RBFOX1: variants seen among roughly 807,000 people sequenced by gnomAD.
The protein encoded by RBFOX1 is RNA binding protein fox-1 homolog 1.
Under a neutral mutation model 57.7 loss-of-function variants are expected in RBFOX1, and 8 were observed. That is an observed-to-expected ratio of 0.14 (90% CI 0.08 to 0.25). The LOEUF is 0.25. Among genes scored for constraint, RBFOX1 ranks in the 10% least tolerant of loss-of-function variants. The pLI, the probability that RBFOX1 is intolerant of heterozygous loss-of-function variation, is 1.00. For synonymous variants in RBFOX1, 326 were observed against 222.4 expected, an observed-to-expected ratio of 1.47 and a Z score of -4.15; for missense variants, 611 against 548.5, an observed-to-expected ratio of 1.11 and a Z score of -1.14.
intron 14 of RBFOX1, among the ~76,000 whole-genome samples, chr16:7,679,118 A>C (rs2074110199): frequency 6.6e-6 from 1 of 152,220 alleles, no homozygotes; most frequent in African/African-American, 2.4e-5. Context: ...ATGGACAGAA[A>C]GCAATCTTTA....
chr16:7,359,255 C>CTAT (rs550623153), intron 4 of RBFOX1, among the ~76,000 whole-genome samples: 3 of 152,144 alleles, frequency 2.0e-5, no homozygotes, highest in African/African-American at 7.2e-5. Flanking sequence ...AGGAAATGAA[C>CTAT]TATCATAGGA....
At chr16:6,895,448 GTATATATATATATATATATA>G (rs71147622) in intron 3 of RBFOX1, among the ~76,000 whole-genome samples, 1 of 54,612 alleles carries the variant, frequency 1.8e-5, no homozygotes, top group Non-Finnish European at 3.3e-5. Flanking sequence ...GTGTGTGTGT[GTATATATATATATATATATA>G]TATATATATA....
chr16:6,852,619 G>A (rs1438154568), intron 3 of RBFOX1, among the ~76,000 whole-genome samples: 1 of 152,126 alleles, frequency 6.6e-6, no homozygotes, highest in Non-Finnish European at 1.5e-5. Flanking sequence ...TGCATGCTGG[G>A]AACTAGCTGT....
chr16:5,734,643 A>T (rs1341084568), intron 3 of RBFOX1, among the ~76,000 whole-genome samples: 2 of 152,064 alleles, frequency 1.3e-5, no homozygotes, highest in Admixed American at 6.6e-5. Flanking sequence ...GACTGAGTGC[A>T]CCTGCCTGTC....
chr16:6,851,654 C>G (rs1037944146), intron 3 of RBFOX1, among the ~76,000 whole-genome samples: 2 of 152,086 alleles, frequency 1.3e-5, no homozygotes, highest in South Asian at 2.1e-4. Flanking sequence ...AGGGAAAGAA[C>G]AAGGCTCTAG....
At chr16:7,040,726 A>G (rs1012686044) in intron 3 of RBFOX1, among the ~76,000 whole-genome samples, 1 of 152,212 alleles carries the variant, frequency 6.6e-6, no homozygotes, top group African/African-American at 2.4e-5. Flanking sequence ...ATTATAGGTT[A>G]AAAATGATTT....
chr16:6,681,565 A>G (rs1429567260), intron 3 of RBFOX1, among the ~76,000 whole-genome samples: 1 of 152,164 alleles, frequency 6.6e-6, no homozygotes, highest in Admixed American at 6.5e-5. Context: ...GAGAAAATAA[A>G]GTAACAATTT....
At chr16:6,193,070 C>T (rs575250783) in intron 1 of RBFOX1, among the ~76,000 whole-genome samples, 9 of 152,028 alleles carry the variant, frequency 5.9e-5, no homozygotes, top group East Asian at 3.9e-4. Context: ...CAGTTTGTGA[C>T]GTACCTCCCG....
chr16:5,240,780 G>T (rs1360486313), intron 1 of RBFOX1, among the ~76,000 whole-genome samples: 1 of 152,126 alleles, frequency 6.6e-6, no homozygotes, highest in African/African-American at 2.4e-5. Context: ...CTGAGTGACC[G>T]GGCCCGTGTG....
chr16:6,970,269 G>T (rs1163981083), intron 3 of RBFOX1, among the ~76,000 whole-genome samples: 1 of 152,068 alleles, frequency 6.6e-6, no homozygotes, highest in Non-Finnish European at 1.5e-5. Flanking sequence ...AGAAGGCAGG[G>T]TACTTTCAAT....
At chr16:7,355,280 C>A (rs2097195298) in intron 4 of RBFOX1, among the ~76,000 whole-genome samples, 1 of 152,150 alleles carries the variant, frequency 6.6e-6, no homozygotes, top group African/African-American at 2.4e-5. Flanking sequence ...AACTCAGAGT[C>A]CCTCTGTCAA....
chr16:7,022,017 T>TCCCCCC (rs1568408356), intron 3 of RBFOX1, among the ~76,000 whole-genome samples: 1 of 5,066 alleles, frequency 2.0e-4, no homozygotes, highest in Admixed American at 3.5e-3. Context: ...TCCCCTTCCC[T>TCCCCCC]TCCCCCTCCC....
At chr16:5,478,180 T>A (rs1483789154) in intron 2 of RBFOX1, among the ~76,000 whole-genome samples, 3 of 152,154 alleles carry the variant, frequency 2.0e-5, no homozygotes, top group Non-Finnish European at 4.4e-5. Flanking sequence ...GCGGAGTAAA[T>A]TTCAGAGCCT....
intron 11 of RBFOX1, among the ~76,000 whole-genome samples, chr16:7,634,357 T>C (rs1314206596): frequency 6.6e-6 from 1 of 151,830 alleles, no homozygotes; most frequent in East Asian, 1.9e-4. Flanking sequence ...GTTTTTTTCC[T>C]CCATGGATCT....
intron 4 of RBFOX1, among the ~76,000 whole-genome samples, chr16:7,360,132 G>A (rs758696961): frequency 6.6e-6 from 1 of 152,164 alleles, no homozygotes; most frequent in Non-Finnish European, 1.5e-5. Flanking sequence ...ACAGATGGAT[G>A]GAACTTTATC....
intron 2 of RBFOX1, among the ~76,000 whole-genome samples, chr16:6,568,813 G>A (rs923730042): frequency 6.6e-6 from 1 of 152,084 alleles, no homozygotes; most frequent in African/African-American, 2.4e-5. Flanking sequence ...CTGACACCCA[G>A]GCTGGAGTGC....
At chr16:6,671,025 A>G (rs578087093) in intron 3 of RBFOX1, among the ~76,000 whole-genome samples, 60 of 152,280 alleles carry the variant, frequency 3.9e-4, no homozygotes, top group African/African-American at 1.3e-3. Flanking sequence ...TGGTTTCCTT[A>G]TTTACTTGGT....
At chr16:6,123,132 G>T (rs1240820549) in intron 1 of RBFOX1, among the ~76,000 whole-genome samples, 2 of 152,126 alleles carry the variant, frequency 1.3e-5, no homozygotes, top group Non-Finnish European at 2.9e-5. Context: ...GCCTTATGAT[G>T]CAGCATTTCC....
intron 1 of RBFOX1, among the ~76,000 whole-genome samples, chr16:6,285,194 G>A (rs932507069): frequency 2.0e-5 from 3 of 152,270 alleles, no homozygotes; most frequent in South Asian, 2.1e-4. Context: ...AGGGGGTCCC[G>A]TTAATTTGCA....
Sources: allele counts gnomAD v4.1 joint callset (sites outside exome capture counted in the v4.1 genomes callset), GRCh38; gene constraint gnomAD v4.1.1; transcripts MANE v1.5; gene names NCBI Gene and HGNC (gene_info 2026-07-23, HGNC 2026-07-21).